Variants in CNGA3 observed in about 807,000 individuals in gnomAD.
CNGA3 encodes cyclic nucleotide gated channel subunit alpha 3.
A neutral mutation model predicts 46.6 loss-of-function variants in CNGA3; 42 were observed. That is an observed-to-expected ratio of 0.90 (90% CI 0.70 to 1.17). The LOEUF (loss-of-function observed/expected upper bound fraction) is 1.17, where lower values mean the gene tolerates loss of function less well. Among genes scored for constraint, CNGA3 ranks in the 50% most tolerant of loss-of-function variants. The pLI, the probability that CNGA3 is intolerant of heterozygous loss-of-function variation, is 0.00. For synonymous variants in CNGA3, 394 were observed against 369.4 expected, an observed-to-expected ratio of 1.07 and a Z score of -0.76; for missense variants, 893 against 890.7, an observed-to-expected ratio of 1.00 and a Z score of -0.03.
intron 2 of CNGA3, 106 bp from the exon 3 acceptor site, chr2:98,377,581 T>C: frequency 9.6e-7 from 1 of 1,046,110 alleles, no homozygotes; most frequent in Non-Finnish European, 1.4e-6. Flanking sequence ...TCTGTGAGGG[T>C]GGCTTTCCCT....
At chr2:98,387,668 G>T (rs1470670866) in intron 5 of CNGA3, among the ~76,000 whole-genome samples, 1 of 152,182 alleles carries the variant, frequency 6.6e-6, no homozygotes, top group Non-Finnish European at 1.5e-5. Flanking sequence ...AAGTCCGAAG[G>T]CGTGTCTGAA....
chr2:98,389,355 C>G (rs898265222), intron 5 of CNGA3, among the ~76,000 whole-genome samples: 1 of 152,206 alleles, frequency 6.6e-6, no homozygotes, highest in Non-Finnish European at 1.5e-5. Flanking sequence ...CGTTTTCATT[C>G]TCAGCATCCT....
chr2:98,397,301 G>T lies in CNGA3; in HGVS notation c.*46G>T. 1.9e-6 allele frequency: 3 copies of T among 1,585,624 alleles called. No homozygotes were observed. The South Asian group carries it at 3.4e-5, about 18-fold the overall frequency. ...GCTTCACAGGGTCGACTGTCAGGGTGACCGTATGTGGCCGCAGCTGTGTGG... is the reference window on the plus strand; with the variant it reads ...GCTTCACAGGGTCGACTGTCAGGGTTACCGTATGTGGCCGCAGCTGTGTGG... On this transcript the variant is annotated 3_prime_UTR_variant, in exon 8 of 8. Transcript: ENST00000272602.
At chr2:98,372,308 C>T (rs563879706) in intron 2 of CNGA3, among the ~76,000 whole-genome samples, 9 of 152,338 alleles carry the variant, frequency 5.9e-5, no homozygotes, top group African/African-American at 1.7e-4. Context: ...GAATTGCTAG[C>T]TTGTTAAGCC....
Position 98,397,876 on chromosome 2 carries a change from A to C in CNGA3, c.*621A>C, listed in dbSNP as rs1320813439. The C allele has an allele frequency of 6.5e-6, 1 of 154,262 alleles. No individual in the cohort carries two copies. Among genetic ancestry groups the C allele is most frequent in the African/African-American group, 2.4e-5 (1 of 41,438 alleles). 9.6% of individuals were successfully genotyped at this position (154,262 alleles called of 1,614,324 possible). On this transcript the variant is annotated 3_prime_UTR_variant, in exon 8 of 8. Transcript: ENST00000272602. ...ATTTGAGGTCATTTAAAATCTGTGA[A>C]GCAAATCCAGACTCCTTGCCGTTCA...
intron 7 of CNGA3, among the ~76,000 whole-genome samples, chr2:98,394,768 AG>A (rs1297925447): frequency 6.6e-6 from 1 of 152,238 alleles, no homozygotes; most frequent in African/African-American, 2.4e-5. Flanking sequence ...ACTCTGCCAA[AG>A]GGAAGAGTTA....
chr2:98,396,598 G>T lies in CNGA3; in HGVS notation c.1428G>T (p.Thr476=). ...AEIAINVHLD[T]LKKVRIFQDC... ...TCGCCATCAACGTGCACCTGGACAC[G>T]CTGAAGAAGGTTCGCATCTTCCAGG... The change falls in exon 8 of 8, where the codon ACG becomes ACT. Residue 476 remains threonine (T), a synonymous_variant. Coordinates refer to ENST00000272602, the MANE Select transcript of CNGA3 (RefSeq NM_001298.3). 2 of 1,613,954 alleles carry T rather than the reference G, an allele frequency of 1.2e-6. No individual in the cohort carries two copies. Among genetic ancestry groups the T allele is most frequent in the Middle Eastern group, 1.6e-4 (1 of 6,062 alleles).
At chr2:98,351,722 G>A (rs929414495) in intron 1 of CNGA3, among the ~76,000 whole-genome samples, 2 of 152,060 alleles carry the variant, frequency 1.3e-5, no homozygotes, top group African/African-American at 4.8e-5. Flanking sequence ...TCAAAAATGT[G>A]ATGGTCATTA....
intron 1 of CNGA3, chr2:98,350,741 A>G (rs756902976): frequency 2.0e-5 from 3 of 152,180 alleles, no homozygotes; most frequent in Admixed American, 6.5e-5. Flanking sequence ...TTTTACTCCA[A>G]ATTTCTTCCT....
intron 1 of CNGA3, among the ~76,000 whole-genome samples, chr2:98,367,167 G>GTTTTTT (rs1553447811): frequency 9.8e-6 from 1 of 101,586 alleles, no homozygotes. Context: ...GACATCAGCT[G>GTTTTTT]TTTTTTTTCT....
chr2:98,383,321 T>G (rs1212013259), intron 4 of CNGA3, 67 bp from the exon 5 acceptor site: 1 of 1,465,000 alleles, frequency 6.8e-7, no homozygotes, highest in African/African-American at 1.4e-5. Flanking sequence ...GGTAATCCCC[T>G]GGTGAAATGG....
intron 7 of CNGA3, among the ~76,000 whole-genome samples, chr2:98,395,207 T>G (rs1237104321): frequency 6.6e-6 from 1 of 152,154 alleles, no homozygotes; most frequent in African/African-American, 2.4e-5. Context: ...TCTCACTCTG[T>G]TGCCCAGGCT....
At chr2:98,365,215 G>A (rs1167744736) in intron 1 of CNGA3, among the ~76,000 whole-genome samples, 13 of 152,156 alleles carry the variant, frequency 8.5e-5, no homozygotes, top group Non-Finnish European at 1.5e-4. Context: ...GCCGAGGCAG[G>A]CAAATCACTT....
At chr2:98,355,434 A>G (rs939173670) in intron 1 of CNGA3, among the ~76,000 whole-genome samples, 1 of 152,168 alleles carries the variant, frequency 6.6e-6, no homozygotes, top group African/African-American at 2.4e-5. Flanking sequence ...ATATTTGCAT[A>G]TAGTGTTTTG....
intron 6 of CNGA3, among the ~76,000 whole-genome samples, chr2:98,390,863 C>T (rs1218059588): frequency 1.3e-5 from 2 of 152,158 alleles, no homozygotes; most frequent in East Asian, 3.9e-4. Context: ...AGCAAGTGTG[C>T]AGGACAGGTG....
chr2:98,367,184 TC>T (rs67047321), intron 1 of CNGA3, among the ~76,000 whole-genome samples: 15,949 of 128,886 alleles, frequency 0.12, 1,294 homozygotes, highest in Middle Eastern at 0.15. Context: ...TTCTTTTTTT[TC>T]TTTTTTTTTT....
intron 5 of CNGA3, among the ~76,000 whole-genome samples, chr2:98,386,758 C>T (rs1400807130): frequency 6.6e-6 from 1 of 152,108 alleles, no homozygotes; most frequent in Non-Finnish European, 1.5e-5. Flanking sequence ...GGGGACTCGA[C>T]CCATCACTGC....
chr2:98,380,480 C>T, intron 4 of CNGA3, 126 bp downstream of exon 4: 2 of 1,238,540 alleles, frequency 1.6e-6, no homozygotes, highest in Non-Finnish European at 2.3e-6. Flanking sequence ...TGAGCTGTTC[C>T]TTGAAGAAAG....
chr2:98,360,555 G>GGT (rs35694704), intron 1 of CNGA3, among the ~76,000 whole-genome samples: 33,881 of 151,968 alleles, frequency 0.22, 4,230 homozygotes, highest in Admixed American at 0.36. Flanking sequence ...CTCTAATAAA[G>GGT]CCCCAGCTTC....
Sources: allele counts gnomAD v4.1 joint callset (sites outside exome capture counted in the v4.1 genomes callset), GRCh38; gene constraint gnomAD v4.1.1; transcripts MANE v1.5; gene names NCBI Gene and HGNC (gene_info 2026-07-23, HGNC 2026-07-21).